EYA3: variants seen among roughly 807,000 people sequenced by gnomAD.
EYA3 encodes the protein EYA transcriptional coactivator and phosphatase 3.
EYA3 carries 39 observed loss-of-function variants against 80.0 expected under a neutral mutation model. The ratio of observed to expected loss-of-function variants is 0.49; its 90% CI spans 0.38 to 0.64. The LOEUF is 0.64. Among genes scored for constraint, EYA3 ranks in the 30% least tolerant of loss-of-function variants. EYA3 has a pLI of 0.00. For missense variants in EYA3, 523 were observed against 676.1 expected (o/e 0.77, Z 2.51); for synonymous variants, 206 against 232.8 (o/e 0.88, Z 1.05).
At chr1:27,984,431 A>C (rs1311289727) in intron 16 of EYA3, among the ~76,000 whole-genome samples, 1 of 151,952 alleles carries the variant, frequency 6.6e-6, no homozygotes, top group Non-Finnish European at 1.5e-5. Context: ...AAAGAGGCCC[A>C]TCCTCACCTT....
chr1:28,008,974 C>CA (rs1429608828), intron 10 of EYA3, among the ~76,000 whole-genome samples: 1 of 151,968 alleles, frequency 6.6e-6, no homozygotes, highest in Non-Finnish European at 1.5e-5. Flanking sequence ...TAGCTATTAT[C>CA]AAAAAAATGG....
intron 1 of EYA3, among the ~76,000 whole-genome samples, chr1:28,073,678 C>T (rs919723926): frequency 2.6e-5 from 4 of 151,994 alleles, no homozygotes; most frequent in African/African-American, 9.7e-5. Context: ...TCAGGTGATC[C>T]ACCCGCCTTG....
chr1:28,014,222 G>A (rs1395727706), intron 8 of EYA3, among the ~76,000 whole-genome samples: 1 of 152,000 alleles, frequency 6.6e-6, no homozygotes. Context: ...TTTGAGACCA[G>A]CCTAGCCAAA....
chr1:28,010,042 C>T (rs1641581993), intron 10 of EYA3, among the ~76,000 whole-genome samples: 1 of 152,148 alleles, frequency 6.6e-6, no homozygotes, highest in African/African-American at 2.4e-5. Flanking sequence ...TTCTTCTTCA[C>T]TCCAAACCTC....
At chr1:28,039,703 C>A (rs1409897783) in intron 4 of EYA3, among the ~76,000 whole-genome samples, 1 of 152,094 alleles carries the variant, frequency 6.6e-6, no homozygotes, top group South Asian at 2.1e-4. Context: ...AAAAAGAGAA[C>A]CTTGATCAAA....
chr1:28,072,760 A>G (rs910004032), intron 1 of EYA3, among the ~76,000 whole-genome samples: 1 of 152,120 alleles, frequency 6.6e-6, no homozygotes, highest in Admixed American at 6.6e-5. Flanking sequence ...ACTTATGTTC[A>G]CATAAAAACC....
chr1:28,074,153 A>G (rs1645124485), intron 1 of EYA3, among the ~76,000 whole-genome samples: 1 of 152,194 alleles, frequency 6.6e-6, no homozygotes, highest in African/African-American at 2.4e-5. Context: ...TTTCCATTAC[A>G]TAGATAACTT....
chr1:28,075,944 C>T (rs1645184882), intron 1 of EYA3, among the ~76,000 whole-genome samples: 1 of 152,228 alleles, frequency 6.6e-6, no homozygotes, highest in Admixed American at 6.5e-5. Flanking sequence ...CATATCCACT[C>T]AGAATCCTTT....
intron 10 of EYA3, among the ~76,000 whole-genome samples, chr1:28,005,078 C>A (rs746798399): frequency 6.6e-6 from 1 of 152,070 alleles, no homozygotes; most frequent in African/African-American, 2.4e-5. Flanking sequence ...GATTGGATAA[C>A]CCAGGTGAAA....
intron 3 of EYA3, among the ~76,000 whole-genome samples, chr1:28,046,597 C>T (rs973430192): frequency 6.6e-6 from 1 of 151,906 alleles, no homozygotes; most frequent in Non-Finnish European, 1.5e-5. Context: ...TCAGACATAC[C>T]AGGAAGGGGG....
intron 8 of EYA3, among the ~76,000 whole-genome samples, chr1:28,014,930 G>A (rs1183030039): frequency 1.3e-5 from 2 of 152,090 alleles, no homozygotes; most frequent in Non-Finnish European, 2.9e-5. Context: ...GATAATGATG[G>A]CAAGTAGGAA....
At chr1:28,053,833 A>T (rs1644353881) in intron 2 of EYA3, among the ~76,000 whole-genome samples, 1 of 152,274 alleles carries the variant, frequency 6.6e-6, no homozygotes, top group African/African-American at 2.4e-5. Flanking sequence ...CTTAAGAAAC[A>T]GGACTCTCTA....
chr1:28,077,326 G>A (rs529772672), intron 1 of EYA3, among the ~76,000 whole-genome samples: 3 of 151,928 alleles, frequency 2.0e-5, no homozygotes, highest in East Asian at 1.9e-4. Context: ...GGCTGGCCTC[G>A]AACTCCTGAC....
At chr1:28,041,603 A>G (rs1643784940) in intron 4 of EYA3, among the ~76,000 whole-genome samples, 1 of 152,148 alleles carries the variant, frequency 6.6e-6, no homozygotes, top group Non-Finnish European at 1.5e-5. Context: ...ATGACAGTCT[A>G]AAGTAAAAAT....
chr1:28,083,712 G>T lies in EYA3; in HGVS notation c.-69+4812C>A, dbSNP rs147616429. ...TTTCCCAAGTGAAAATTATTTGATT[G>T]TATCTATAACGAAAGAACATGATTT... On this transcript the variant is annotated intron_variant, in intron 1 of 17. Transcript: ENST00000373871. Among the ~76,000 whole-genome samples, 960 of 152,192 alleles carry T rather than the reference G, an allele frequency of 6.3e-3. 9 individuals carry two copies. Among genetic ancestry groups the T allele is most frequent in the African/African-American group, 0.021 (886 of 41,530 alleles).
intron 15 of EYA3, among the ~76,000 whole-genome samples, chr1:27,989,332 G>T (rs1459758691): frequency 6.6e-6 from 1 of 152,132 alleles, no homozygotes; most frequent in African/African-American, 2.4e-5. Flanking sequence ...TCTTTAGTGG[G>T]TTTGGATACA....
chr1:28,029,590 A>G (rs1423456014), intron 6 of EYA3, among the ~76,000 whole-genome samples: 3 of 148,552 alleles, frequency 2.0e-5, no homozygotes, highest in Non-Finnish European at 4.4e-5. Context: ...TAAAAAGAAA[A>G]TCCTTTTTTT....
At chr1:28,062,657 G>GGGGTGTGTGTGTGTGTGTGTGTGTGT in intron 1 of EYA3, among the ~76,000 whole-genome samples, 1 of 141,626 alleles carries the variant, frequency 7.1e-6, no homozygotes, top group South Asian at 2.3e-4. Context: ...AATATATGTA[G>GGGGTGTGTGTGTGTGTGTGTGTGTGT]GTGTGTGTGT....
intron 2 of EYA3, among the ~76,000 whole-genome samples, chr1:28,052,492 C>T (rs1644285985): frequency 6.6e-6 from 1 of 152,056 alleles, no homozygotes; most frequent in Admixed American, 6.5e-5. Flanking sequence ...AGCAAAAGTG[C>T]CACGATGATT....
Sources: gnomAD v4.1 joint callset for allele counts (sites outside exome capture counted in the v4.1 genomes callset) on GRCh38, gnomAD v4.1.1 for gene constraint, MANE v1.5 for transcripts, NCBI Gene and HGNC (gene_info 2026-07-23, HGNC 2026-07-21) for gene names.